Variants in ST3GAL6 observed in about 807,000 individuals in gnomAD.
The protein encoded by ST3GAL6 is ST3 beta-galactoside alpha-2,3-sialyltransferase 6.
Under a neutral mutation model 40.5 loss-of-function variants are expected in ST3GAL6, and 31 were observed. The ratio of observed to expected loss-of-function variants is 0.77; its 90% CI spans 0.58 to 1.03. The LOEUF (loss-of-function observed/expected upper bound fraction) is 1.03. ST3GAL6 is among the 50% of genes least tolerant of loss of function. The pLI, the probability that ST3GAL6 is intolerant of heterozygous loss-of-function variation, is 0.00. For missense variants in ST3GAL6, 357 were observed against 393.2 expected (o/e 0.91, Z 0.78); for synonymous variants, 129 against 136.9 (o/e 0.94, Z 0.40).
In ST3GAL6 at chr3:98,795,453, A is replaced by ATAAC. The variant is rs371975666; in HGVS notation, c.*1694_*1697dup. Reference sequence around the variant, plus strand: ...GAGTCCCACAGTTTTGATTCCTCTTATAACTTTTTGAGGTGCAAAAGGAAG... The same window carrying ATAAC: ...GAGTCCCACAGTTTTGATTCCTCTTATAACTAACTTTTTGAGGTGCAAAAGGAAG... On this transcript the variant is annotated 3_prime_UTR_variant, in exon 10 of 10. Coordinates refer to ENST00000483910, the MANE Select transcript of ST3GAL6 (RefSeq NM_001323368.2). The ATAAC allele has an allele frequency of 3.3e-5, 5 of 152,344 alleles. No homozygotes were observed. Among genetic ancestry groups the ATAAC allele is most frequent in the African/African-American group, 9.6e-5 (4 of 41,578 alleles). 9.4% of individuals were successfully genotyped at this position (152,344 alleles called of 1,614,324 possible). A position where few individuals can be genotyped will look rare whatever the true frequency, so the allele number is the denominator to read the frequency against.
chr3:98,788,262 G>C, intron 7 of ST3GAL6, 40 bp downstream of exon 7: 1 of 1,591,860 alleles, frequency 6.3e-7, no homozygotes, highest in Non-Finnish European at 8.6e-7. Flanking sequence ...ATTACCTTTA[G>C]TGCTTTTTTT....
intron 8 of ST3GAL6, among the ~76,000 whole-genome samples, chr3:98,790,250 A>G (rs906036186): frequency 3.1e-4 from 47 of 152,308 alleles, no homozygotes; most frequent in African/African-American, 9.6e-4. Flanking sequence ...TGATGAGGGG[A>G]GAAAGTAGTT....
intron 1 of ST3GAL6, chr3:98,756,268 A>T: frequency 1.0e-6 from 1 of 979,722 alleles, no homozygotes; most frequent in Non-Finnish European, 1.4e-6. Flanking sequence ...AAGTGAGTTT[A>T]CTAAAATGGC....
At chr3:98,759,659 C>T (rs144649707), upstream of ST3GAL6, among the ~76,000 whole-genome samples, 5 of 151,886 alleles carry the variant, frequency 3.3e-5, no homozygotes, top group South Asian at 4.2e-4. Context: ...TAGTATGATA[C>T]GTAAGTCCTC....
At chr3:98,761,732 G>A (rs949579296), upstream of ST3GAL6, among the ~76,000 whole-genome samples, 2 of 152,104 alleles carry the variant, frequency 1.3e-5, no homozygotes, top group African/African-American at 2.4e-5. Flanking sequence ...TTTACTTTAA[G>A]AGAATAAATG....
rs375234881 is a variant in ST3GAL6, at chr3:98,785,920, A to T, written c.431+880A>T. ...GAAGATGTGTTTTAGACATAGAGTT[A>T]TCGGGATTTGTTGCCGTATTAGATG... is the stretch of plus-strand genomic sequence containing the variant. On this transcript the variant is annotated intron_variant, in intron 6 of 9. Coordinates refer to ENST00000483910, the MANE Select transcript of ST3GAL6 (RefSeq NM_001323368.2). 9.2e-5 allele frequency among the ~76,000 whole-genome samples: 14 copies of T among 152,278 alleles called. No individual in the cohort carries two copies. The South Asian group carries it at 2.9e-3, about 32-fold the overall frequency.
At chr3:98,773,482 C>T (rs1939207662) in intron 4 of ST3GAL6, 1 of 154,356 alleles carries the variant, frequency 6.5e-6, no homozygotes, top group African/African-American at 2.4e-5. Flanking sequence ...CCCAAGGTGA[C>T]AAGCCTTCAA....
intron 5 of ST3GAL6, chr3:98,784,683 A>G (rs1029677542): frequency 1.5e-5 from 5 of 343,018 alleles, no homozygotes; most frequent in Non-Finnish European, 2.1e-5. Context: ...ACTTATCTCA[A>G]TAGGTGGGTA....
intron 5 of ST3GAL6, among the ~76,000 whole-genome samples, chr3:98,781,461 A>C (rs1940114214): frequency 7.1e-6 from 1 of 141,758 alleles, no homozygotes; most frequent in Admixed American, 7.1e-5. Context: ...CATGTATCCC[A>C]GAACTTAAAG....
Position 98,763,378 on chromosome 3 carries a change from C to A in ST3GAL6, c.-73C>A. ...GACCAGCAGAGACTAGGATGGATGACGGCCTGTCCAGGGGCTGAATGGACA... is the reference window on the plus strand; with the variant it reads ...GACCAGCAGAGACTAGGATGGATGAAGGCCTGTCCAGGGGCTGAATGGACA... On this transcript the variant is annotated 5_prime_UTR_variant, in exon 1 of 10. Coordinates refer to ENST00000483910, the MANE Select transcript of ST3GAL6 (RefSeq NM_001323368.2). 7.8e-7 allele frequency: 1 copy of A among 1,289,822 alleles called. No homozygotes were observed. The highest frequency in any genetic ancestry group is 1.0e-6 in the Non-Finnish European group (1 of 988,872). The allele number at this position is 1,289,822 out of a possible 1,614,324, so 79.9% of individuals were successfully genotyped here.
Position 98,795,746 on chromosome 3 carries a change from C to T in ST3GAL6, c.*1985C>T, listed in dbSNP as rs1941560606. The T allele has an allele frequency of 6.6e-6, 1 of 152,140 alleles. No individual in the cohort carries two copies. 9.4% of individuals were successfully genotyped at this position (152,140 alleles called of 1,614,324 possible). ...TCACAACCTGGATGATGGGATCATTCATACCACAAACCTCAGTATCACACA... is the reference window on the plus strand; with the variant it reads ...TCACAACCTGGATGATGGGATCATTTATACCACAAACCTCAGTATCACACA... On this transcript the variant is annotated 3_prime_UTR_variant, in exon 10 of 10. Coordinates refer to ENST00000483910, the MANE Select transcript of ST3GAL6 (RefSeq NM_001323368.2).
intron 1 of ST3GAL6, among the ~76,000 whole-genome samples, chr3:98,739,862 G>T (rs1935913546): frequency 6.6e-6 from 1 of 152,108 alleles, no homozygotes. Flanking sequence ...TTCAAATAGG[G>T]TACAAATGAA....
intron 1 of ST3GAL6, among the ~76,000 whole-genome samples, chr3:98,748,246 A>C (rs565803741): frequency 1.3e-5 from 2 of 152,314 alleles, no homozygotes; most frequent in East Asian, 3.9e-4. Context: ...CCCTGGCAGC[A>C]AACTGCCTAA....
Position 98,768,410 on chromosome 3 carries a change from CTTCA to C in ST3GAL6, c.-11-16_-11-13del. The stretch of plus-strand genomic sequence containing the variant: ...ATAACAACCTGGCCTTTGCTTTGGA[CTTCA>C]TTCCTTGTGTTTCAGGTGAGCCAGC... On this transcript the variant is annotated splice_polypyrimidine_tract_variant and intron_variant, in intron 1 of 9. Transcript: ENST00000483910. 1 of 1,595,410 alleles carries C rather than the reference CTTCA, an allele frequency of 6.3e-7. No individual in the cohort carries two copies. The highest frequency in any genetic ancestry group is 8.6e-7 in the Non-Finnish European group (1 of 1,163,086).
intron 1 of ST3GAL6, among the ~76,000 whole-genome samples, chr3:98,733,804 A>T (rs896775134): frequency 4.7e-5 from 7 of 149,700 alleles, no homozygotes; most frequent in Admixed American, 1.3e-4. Context: ...TTCAGTAGCG[A>T]GGGTTGGCGG....
At chr3:98,740,991 A>G (rs982186191) in intron 1 of ST3GAL6, among the ~76,000 whole-genome samples, 1 of 151,838 alleles carries the variant, frequency 6.6e-6, no homozygotes, top group African/African-American at 2.4e-5. Context: ...CTTTGCATCT[A>G]TCATATGCCA....
rs569096875 is a variant in ST3GAL6, at chr3:98,767,579, G to A, written c.-11-851G>A. Among the ~76,000 whole-genome samples the A allele has an allele frequency of 5.3e-5, 8 of 152,304 alleles. No homozygotes were observed. The East Asian group carries it at 5.8e-4, about 11-fold the overall frequency. ...AGTGTACCTGTTTAAAGTCACAGGC[G>A]TTGAAATAGGTCTATTATGGAACCA... On this transcript the variant is annotated intron_variant, in intron 1 of 9. Transcript: ENST00000483910.
At chr3:98,781,374 T>C (rs554581469) in intron 5 of ST3GAL6, among the ~76,000 whole-genome samples, 3 of 152,040 alleles carry the variant, frequency 2.0e-5, no homozygotes, top group Admixed American at 1.3e-4. Context: ...AAATACCTAA[T>C]GTAGATGATG....
chr3:98,756,677 T>A, intron 1 of ST3GAL6: 2 of 734,430 alleles, frequency 2.7e-6, no homozygotes, highest in Non-Finnish European at 3.6e-6. Flanking sequence ...CTGCTATTTT[T>A]TTCTCTTACT....
Sources: gnomAD v4.1 joint callset for allele counts (sites outside exome capture counted in the v4.1 genomes callset) on GRCh38, gnomAD v4.1.1 for gene constraint, MANE v1.5 for transcripts, NCBI Gene and HGNC (gene_info 2026-07-23, HGNC 2026-07-21) for gene names.